DLGAP1: variants seen among roughly 807,000 people sequenced by gnomAD.
The protein encoded by DLGAP1 is disks large-associated protein 1.
DLGAP1 carries 11 observed loss-of-function variants against 90.8 expected under a neutral mutation model. The ratio of observed to expected loss-of-function variants is 0.12; its 90% CI spans 0.08 to 0.20. The LOEUF is 0.20. Ranked by LOEUF, DLGAP1 falls within the 10% of genes least tolerant of loss-of-function variation. The probability of loss-of-function intolerance (pLI) is 1.00; values close to 1 mark genes in which losing one functional copy is unlikely to be tolerated. For synonymous variants in DLGAP1, 558 were observed against 540.7 expected (o/e 1.03, Z -0.44); for missense variants, 1,050 against 1,333.8 (o/e 0.79, Z 3.31).
intron 3 of DLGAP1, among the ~76,000 whole-genome samples, chr18:3,952,509 T>C (rs1489089557): frequency 6.6e-6 from 1 of 152,334 alleles, no homozygotes. Context: ...GATTTCCCAC[T>C]TGGGTGAACT....
At chr18:4,348,412 G>A (rs936429081) in intron 1 of DLGAP1, among the ~76,000 whole-genome samples, 11 of 150,894 alleles carry the variant, frequency 7.3e-5, no homozygotes, top group East Asian at 3.9e-4. Context: ...GTGTGTGTGT[G>A]TGTGTGTGTG....
At chr18:4,201,154 G>T (rs533768014) in intron 1 of DLGAP1, among the ~76,000 whole-genome samples, 1 of 151,758 alleles carries the variant, frequency 6.6e-6, no homozygotes, top group Admixed American at 6.6e-5. Flanking sequence ...GTTTAGTTCA[G>T]TCCCGTTTAT....
rs2071090936 is a variant in DLGAP1 at position 3,879,484 on chromosome 18, G to A, written c.585C>T (p.Pro195=). The A allele has an allele frequency of 2.5e-6, 4 of 1,604,806 alleles. No individual in the cohort carries two copies. The highest frequency in any genetic ancestry group is 3.4e-6 in the Non-Finnish European group (4 of 1,179,854). The change falls in exon 4 of 13, where the codon CCC becomes CCT. Residue 195 remains proline, a synonymous_variant. Transcript: ENST00000315677. The surrounding 1 kb of genome is among the most constrained non-coding windows in gnomAD (Gnocchi z 6.6). ...KERRAEPKAR[P]STSPGWWSSD... is the part of the protein sequence containing the mutation. ...AGCTCCACCAGCCCGGGGAGGTGCT[G>A]GGCCGGGCCTTGGGCTCCGCGCGCC...
chr18:4,250,183 T>A (rs561243914), intron 1 of DLGAP1, among the ~76,000 whole-genome samples: 3 of 152,292 alleles, frequency 2.0e-5, no homozygotes, highest in South Asian at 4.1e-4. Context: ...TACTTTCTCT[T>A]CCTTGGGCTC....
rs1187641537 is a variant in DLGAP1, at chr18:3,600,975, TATATAG to T, written c.1592-18733_1592-18728del. ...AGATATATATAGATATATAGATAGA[TATATAG>T]ATATAGATATATAGATATATAGATA... On this transcript the variant is annotated intron_variant, in intron 7 of 12. Coordinates refer to ENST00000315677, the MANE Select transcript of DLGAP1 (RefSeq NM_004746.4). 4.6e-4 allele frequency among the ~76,000 whole-genome samples: 52 copies of T among 114,150 alleles called. 5 individuals carry two copies. The highest frequency in any genetic ancestry group is 1.2e-3 in the African/African-American group (34 of 29,512). 74.9% of individuals were successfully genotyped at this position (114,150 alleles called of 152,430 possible).
At chr18:3,681,261 A>G (rs950822081) in intron 7 of DLGAP1, among the ~76,000 whole-genome samples, 2 of 152,220 alleles carry the variant, frequency 1.3e-5, no homozygotes, top group African/African-American at 4.8e-5. Flanking sequence ...TAATGTCTAA[A>G]AAAGGGCATT....
At position 4,295,431 on chromosome 18, in the gene DLGAP1, A is replaced by G. The variant is rs551019784; in HGVS notation, c.-266-144144T>C. On this transcript the variant is annotated intron_variant, in intron 1 of 12. Transcript: ENST00000315677. ...ACTGAATTGTGTTTCTAAAGTAGATATCATGTCTTATTTCCACCAGGGCAC... is the reference window on the plus strand; with the variant it reads ...ACTGAATTGTGTTTCTAAAGTAGATGTCATGTCTTATTTCCACCAGGGCAC... The G allele has an allele frequency of 2.0e-5, 3 of 152,356 alleles. No homozygotes were observed. The South Asian group carries it at 6.2e-4, about 32-fold the overall frequency. 9.4% of individuals were successfully genotyped at this position (152,356 alleles called of 1,614,324 possible). A position where few individuals can be genotyped will look rare whatever the true frequency, so the allele number is the denominator to read the frequency against.
At chr18:4,453,042 C>A (rs765690464) in intron 1 of DLGAP1, among the ~76,000 whole-genome samples, 2 of 152,270 alleles carry the variant, frequency 1.3e-5, no homozygotes, top group Middle Eastern at 3.4e-3. Flanking sequence ...TTCTTCTTTA[C>A]TCACACAAGG....
At chr18:3,861,934 T>G (rs16945531) in intron 4 of DLGAP1, among the ~76,000 whole-genome samples, 21,212 of 152,264 alleles carry the variant, frequency 0.14, 1,539 homozygotes, top group Middle Eastern at 0.18. Flanking sequence ...AGTGCCTGGT[T>G]TCAGAGAGCA....
intron 3 of DLGAP1, among the ~76,000 whole-genome samples, chr18:3,939,451 AC>A (rs2072720178): frequency 6.7e-6 from 1 of 150,144 alleles, no homozygotes; most frequent in Admixed American, 6.6e-5. Context: ...CAACAAAAAA[AC>A]ACCAAAAAAA....
chr18:3,838,429 G>T (rs1051032755), intron 4 of DLGAP1, among the ~76,000 whole-genome samples: 1 of 152,274 alleles, frequency 6.6e-6, no homozygotes, highest in East Asian at 1.9e-4. Context: ...CTCTGATAGT[G>T]CCTGGCATTG....
intron 3 of DLGAP1, among the ~76,000 whole-genome samples, chr18:3,895,095 A>T (rs762477833): frequency 6.6e-6 from 1 of 152,194 alleles, no homozygotes; most frequent in African/African-American, 2.4e-5. Context: ...TGTGCTTAAC[A>T]GCTGCCTTTA....
intron 3 of DLGAP1, among the ~76,000 whole-genome samples, chr18:3,935,007 T>C (rs2072602264): frequency 6.6e-6 from 1 of 152,252 alleles, no homozygotes; most frequent in African/African-American, 2.4e-5. Context: ...TCAGATTTTT[T>C]AAATCTTTGG....
intron 3 of DLGAP1, among the ~76,000 whole-genome samples, chr18:3,913,044 C>G (rs1035600453): frequency 2.0e-5 from 3 of 152,102 alleles, no homozygotes; most frequent in African/African-American, 7.2e-5. Flanking sequence ...CAGGTTTGTA[C>G]CAGTTGTGGT....
At chr18:3,979,736 T>C (rs2073683438) in intron 3 of DLGAP1, among the ~76,000 whole-genome samples, 1 of 152,236 alleles carries the variant, frequency 6.6e-6, no homozygotes, top group Non-Finnish European at 1.5e-5. Context: ...AATTGGGAGA[T>C]GACAGGTATG....
At chr18:4,002,634 C>T (rs1399547955) in intron 3 of DLGAP1, among the ~76,000 whole-genome samples, 2 of 152,048 alleles carry the variant, frequency 1.3e-5, no homozygotes, top group Non-Finnish European at 2.9e-5. Flanking sequence ...TATTCAATGA[C>T]GATGTTATCA....
At chr18:3,622,660 C>T (rs2146049329) in intron 7 of DLGAP1, among the ~76,000 whole-genome samples, 1 of 152,312 alleles carries the variant, frequency 6.6e-6, no homozygotes, top group Non-Finnish European at 1.5e-5. Context: ...GCTGTTTCCT[C>T]TCATCTTTCC....
At chr18:4,015,740 TAC>T (rs1271480868) in intron 2 of DLGAP1, among the ~76,000 whole-genome samples, 4 of 152,222 alleles carry the variant, frequency 2.6e-5, no homozygotes, top group Admixed American at 2.6e-4. Context: ...TGACATAATA[TAC>T]AGTATTCCTC....
intron 2 of DLGAP1, among the ~76,000 whole-genome samples, chr18:4,078,057 G>T (rs1456872696): frequency 6.6e-6 from 1 of 152,116 alleles, no homozygotes; most frequent in Non-Finnish European, 1.5e-5. Flanking sequence ...AAGGTTAAGA[G>T]TTTTTTTCTA....
Sources: allele counts gnomAD v4.1 joint callset (sites outside exome capture counted in the v4.1 genomes callset), GRCh38; gene constraint gnomAD v4.1.1; non-coding constraint Gnocchi (gnomAD v3.1); transcripts MANE v1.5; gene names NCBI Gene and HGNC (gene_info 2026-07-23, HGNC 2026-07-21).